RNF130: variants seen among roughly 807,000 people sequenced by gnomAD.
RNF130 encodes the protein ring finger protein 130.
A neutral mutation model predicts 44.6 loss-of-function variants in RNF130; 21 were observed. The ratio of observed to expected loss-of-function variants is 0.47; its 90% confidence interval spans 0.33 to 0.68. The LOEUF (loss-of-function observed/expected upper bound fraction) is 0.68. RNF130 is among the 30% of genes least tolerant of loss of function. The probability of loss-of-function intolerance (pLI) is 0.02; values close to 1 mark genes in which losing one functional copy is unlikely to be tolerated. For missense variants in RNF130, 479 were observed against 560.6 expected, an observed-to-expected ratio of 0.85 and a Z score of 1.47; for synonymous variants, 214 against 210.4, an observed-to-expected ratio of 1.02 and a Z score of -0.15.
chr5:179,998,773 G>A (rs76550516), intron 3 of RNF130, among the ~76,000 whole-genome samples: 2,407 of 149,450 alleles, frequency 0.016, 71 homozygotes, highest in African/African-American at 0.057. Context: ...CTGTCTAGAT[G>A]ATCTGTCTAA....
rs1762374998 is a variant in RNF130, at chr5:179,963,369, A to G, written c.1244+102T>C. The G allele has an allele frequency of 6.1e-6, 5 of 815,790 alleles. No individual in the cohort carries two copies. The African/African-American group carries it at 8.5e-5, about 14-fold the overall frequency. The allele number at this position is 815,790 out of a possible 1,614,324, so 50.5% of individuals were successfully genotyped here. A position where few individuals can be genotyped will look rare whatever the true frequency, so the allele number is the denominator to read the frequency against. On this transcript the variant is annotated intron_variant, in intron 8 of 8. Transcript: ENST00000521389. The stretch of plus-strand genomic sequence containing the variant: ...ATACGATCCCATCAGGATCCGTATG[A>G]AACTGGTAGAAAGCCAGTTCTCACC...
chr5:180,069,955 G>A (rs1039628917), intron 1 of RNF130, among the ~76,000 whole-genome samples: 6 of 152,206 alleles, frequency 3.9e-5, no homozygotes, highest in African/African-American at 7.2e-5. Flanking sequence ...ACACCGTGGA[G>A]GAAGGATCTG....
intron 7 of RNF130, among the ~76,000 whole-genome samples, chr5:179,921,486 G>A (rs1429910021): frequency 6.6e-6 from 1 of 152,212 alleles, no homozygotes; most frequent in East Asian, 1.9e-4. Context: ...AACTTTTTCA[G>A]AAACTGCCAG....
chr5:180,062,055 C>CT lies in RNF130; in HGVS notation c.247+9400dup, dbSNP rs901554822. 9.3e-3 allele frequency among the ~76,000 whole-genome samples: 1,261 copies of CT among 134,916 alleles called. 8 individuals are homozygous for CT. Among genetic ancestry groups the CT allele is most frequent in the South Asian group, 0.015 (61 of 4,082 alleles). The allele number at this position is 134,916 out of a possible 152,430, so 88.5% of individuals were successfully genotyped here. ...AACATGCTTCCCCCTCCCCCAGCCT[C>CT]TTTTTTTTTTTTTTTTTTAGACGGA... On this transcript the variant is annotated intron_variant, in intron 1 of 8. Transcript: ENST00000521389.
chr5:179,920,307 T>C (rs1054833103), exon 8 of RNF130: 3 of 695,412 alleles, frequency 4.3e-6, no homozygotes, highest in Non-Finnish European at 5.3e-6. Context: ...AGCCAGGCCA[T>C]GTTTAAAATT....
Position 180,069,422 on chromosome 5 carries a change from C to A in RNF130, c.247+2034G>T, listed in dbSNP as rs12652904. The stretch of plus-strand genomic sequence containing the variant: ...GGATCCCCCACCCTCACCCCCACCC[C>A]GAGAAAACCTGGAGCAAGCCCCTGT... On this transcript the variant is annotated intron_variant, in intron 1 of 8. Transcript: ENST00000521389. Among the ~76,000 whole-genome samples the A allele has an allele frequency of 6.6e-5, 10 of 152,044 alleles. No homozygotes were observed. The South Asian group carries it at 8.3e-4, about 13-fold the overall frequency.
intron 3 of RNF130, among the ~76,000 whole-genome samples, chr5:179,982,043 G>GCC (rs1762852238): frequency 6.6e-6 from 1 of 151,884 alleles, no homozygotes; most frequent in Non-Finnish European, 1.5e-5. Flanking sequence ...ACTTCTTTGT[G>GCC]CCCCTTCCTA....
chr5:180,035,856 T>C (rs1180081955), intron 2 of RNF130, among the ~76,000 whole-genome samples: 1 of 152,230 alleles, frequency 6.6e-6, no homozygotes, highest in Non-Finnish European at 1.5e-5. Context: ...TCGGCTCTTT[T>C]ATAGAATTTT....
intron 4 of RNF130, among the ~76,000 whole-genome samples, chr5:179,978,526 C>T (rs1417515460): frequency 6.6e-6 from 1 of 152,108 alleles, no homozygotes; most frequent in African/African-American, 2.4e-5. Context: ...ATATGTCTTA[C>T]AAAAATTAAG....
intron 1 of RNF130, among the ~76,000 whole-genome samples, chr5:180,062,319 CA>C (rs1765006197): frequency 6.6e-6 from 1 of 152,032 alleles, no homozygotes; most frequent in African/African-American, 2.4e-5. Flanking sequence ...CTCTGCCTCC[CA>C]AAGTGCTGGG....
intron 7 of RNF130, among the ~76,000 whole-genome samples, chr5:179,948,742 A>AT (rs1447116998): frequency 1.3e-5 from 2 of 152,174 alleles, no homozygotes; most frequent in Non-Finnish European, 2.9e-5. Flanking sequence ...AATTTGGAAG[A>AT]TAAAAAGTCA....
chr5:180,020,642 CAAGTAGGGCCAAGGGG>C (rs887699146), intron 2 of RNF130, among the ~76,000 whole-genome samples: 5 of 152,202 alleles, frequency 3.3e-5, no homozygotes. Context: ...CAATCACATA[CAAGTAGGGCCAAGGGG>C]CCACAGTACA....
chr5:179,976,113 G>A (rs1008049648), intron 5 of RNF130, among the ~76,000 whole-genome samples: 1 of 152,114 alleles, frequency 6.6e-6, no homozygotes, highest in African/African-American at 2.4e-5. Flanking sequence ...TTGAGGCCAG[G>A]AGTTCAGAGC....
At chr5:180,020,156 G>T (rs1763839403) in intron 2 of RNF130, among the ~76,000 whole-genome samples, 1 of 152,162 alleles carries the variant, frequency 6.6e-6, no homozygotes, top group Non-Finnish European at 1.5e-5. Flanking sequence ...TGAGGCCCAG[G>T]GAGCAGCTAT....
chr5:179,945,145 A>G (rs1217765817), intron 7 of RNF130, among the ~76,000 whole-genome samples: 1 of 152,204 alleles, frequency 6.6e-6, no homozygotes, highest in African/African-American at 2.4e-5. Flanking sequence ...TAAGGCTTTC[A>G]TATGAAACAG....
chr5:179,991,527 T>C (rs1207131453), intron 3 of RNF130, among the ~76,000 whole-genome samples: 1 of 152,190 alleles, frequency 6.6e-6, no homozygotes, highest in Non-Finnish European at 1.5e-5. Context: ...GGAGGCCTTG[T>C]TCTTTTGAAG....
chr5:180,056,731 C>A (rs1764833247), intron 1 of RNF130, among the ~76,000 whole-genome samples: 1 of 152,136 alleles, frequency 6.6e-6, no homozygotes, highest in South Asian at 2.1e-4. Flanking sequence ...AAGACACATA[C>A]AATGCTCATG....
At chr5:180,003,405 T>C (rs1346933024) in intron 3 of RNF130, among the ~76,000 whole-genome samples, 1 of 152,228 alleles carries the variant, frequency 6.6e-6, no homozygotes, top group Non-Finnish European at 1.5e-5. Flanking sequence ...CCTACAAATA[T>C]TTAGGTAGAT....
At chr5:179,920,046 T>A (rs1761605495) in exon 8 of RNF130, 1 of 410,868 alleles carries the variant, frequency 2.4e-6, no homozygotes, top group Non-Finnish European at 4.4e-6. Context: ...CCCGGCCTCT[T>A]CTCTGGAAAC....
Sources: allele counts gnomAD v4.1 joint callset (sites outside exome capture counted in the v4.1 genomes callset), GRCh38; gene constraint gnomAD v4.1.1; transcripts MANE v1.5; gene names NCBI Gene and HGNC (gene_info 2026-07-23, HGNC 2026-07-21).